PDE4D: variants seen among roughly 807,000 people sequenced by gnomAD.
The protein encoded by PDE4D is 3',5'-cyclic-AMP phosphodiesterase 4D.
In PDE4D, 24 loss-of-function variants were observed where a neutral mutation model predicts 87.4. The observed-to-expected ratio is 0.27, with a 90% CI of 0.20 to 0.39. The LOEUF (loss-of-function observed/expected upper bound fraction) is 0.39, where lower values mean the gene tolerates loss of function less well. Among genes scored for constraint, PDE4D ranks in the 10% least tolerant of loss-of-function variants. The pLI is 1.00. For missense variants in PDE4D, 714 were observed against 1,041.0 expected, an observed-to-expected ratio of 0.69 and a Z score of 4.32; for synonymous variants, 384 against 383.2, an observed-to-expected ratio of 1.00 and a Z score of -0.02.
At chr5:60,315,653 T>C (rs1201732146) in intron 1 of PDE4D, among the ~76,000 whole-genome samples, 1 of 152,210 alleles carries the variant, frequency 6.6e-6, no homozygotes, top group Non-Finnish European at 1.5e-5. Context: ...CACCTTGAAT[T>C]AATTTTAGTA....
At chr5:59,802,600 T>C (rs947797134) in intron 1 of PDE4D, among the ~76,000 whole-genome samples, 1 of 152,038 alleles carries the variant, frequency 6.6e-6, no homozygotes, top group Non-Finnish European at 1.5e-5. Context: ...GGTTTCACCA[T>C]GTTAGCCAGG....
chr5:59,836,526 T>C (rs898430505), intron 1 of PDE4D, among the ~76,000 whole-genome samples: 3 of 151,918 alleles, frequency 2.0e-5, no homozygotes, highest in African/African-American at 7.2e-5. Context: ...TAAACAGGGA[T>C]TGGATTGAAG....
rs185579963 is a variant in PDE4D, at chr5:60,407,441, T to G, written c.-90+80501A>C. 1.2e-3 allele frequency among the ~76,000 whole-genome samples: 172 copies of G among 143,530 alleles called. 2 individuals are homozygous for G. Among genetic ancestry groups the G allele is most frequent in the African/African-American group, 4.5e-3 (167 of 37,282 alleles). The allele number at this position is 143,530 out of a possible 152,430, so 94.2% of individuals were successfully genotyped here. The stretch of plus-strand genomic sequence containing the variant: ...TACATTTGTATTACATTTTTTCTTT[T>G]TCCTTTTTTTTTTTTTTTTTTTTTT... On this transcript the variant is annotated intron_variant, in intron 1 of 16. Coordinates refer to the PDE4D transcript ENST00000502484.
intron 1 of PDE4D, among the ~76,000 whole-genome samples, chr5:59,427,327 AC>A (rs1562167975): frequency 1.3e-5 from 2 of 150,424 alleles, no homozygotes; most frequent in African/African-American, 4.9e-5. Context: ...ACACACACAC[AC>A]ACACACACAC....
chr5:59,667,334 CAG>C (rs1390953857), intron 1 of PDE4D, among the ~76,000 whole-genome samples: 3 of 151,956 alleles, frequency 2.0e-5, no homozygotes, highest in South Asian at 4.1e-4. Flanking sequence ...TTTTTTGAGA[CAG>C]AGTCTCACTC....
chr5:59,112,464 T>C (rs1772836496), intron 5 of PDE4D, among the ~76,000 whole-genome samples: 1 of 152,164 alleles, frequency 6.6e-6, no homozygotes, highest in Non-Finnish European at 1.5e-5. Context: ...ATGCAGGGTC[T>C]CCTATTAGAC....
At chr5:59,276,027 ACTATCATT>A in intron 1 of PDE4D, 15 of 984,634 alleles carry the variant, frequency 1.5e-5, no homozygotes, top group Non-Finnish European at 1.7e-5. Context: ...GTGAATGAGA[ACTATCATT>A]CAATCTCACC....
intron 2 of PDE4D, among the ~76,000 whole-genome samples, chr5:59,202,373 T>G (rs1323965508): frequency 1.3e-5 from 2 of 152,050 alleles, no homozygotes; most frequent in Non-Finnish European, 2.9e-5. Flanking sequence ...TGAAAAAATT[T>G]TAAAGAGATG....
intron 1 of PDE4D, among the ~76,000 whole-genome samples, chr5:59,503,779 A>C (rs917263845): frequency 6.6e-6 from 1 of 152,138 alleles, no homozygotes; most frequent in Admixed American, 6.6e-5. Flanking sequence ...CTTTCTTGAT[A>C]TGAACAAAGG....
intron 1 of PDE4D, among the ~76,000 whole-genome samples, chr5:60,228,722 A>C (rs189578905): frequency 2.6e-5 from 4 of 152,118 alleles, no homozygotes; most frequent in African/African-American, 2.4e-5. Flanking sequence ...ACCAAAAAAA[A>C]CAAAAAACAA....
chr5:60,133,813 T>G (rs1347502930), intron 2 of PDE4D, among the ~76,000 whole-genome samples: 1 of 152,210 alleles, frequency 6.6e-6, no homozygotes, highest in African/African-American at 2.4e-5. Context: ...TCCTTGTAAC[T>G]ATATACTCTA....
chr5:59,782,143 T>C (rs1034221562), intron 1 of PDE4D, among the ~76,000 whole-genome samples: 12 of 152,174 alleles, frequency 7.9e-5, no homozygotes, highest in Admixed American at 1.3e-4. Context: ...TAAAAATAGG[T>C]TCCTGTGAGT....
intron 1 of PDE4D, among the ~76,000 whole-genome samples, chr5:59,271,321 A>C (rs555027582): frequency 6.6e-6 from 1 of 152,272 alleles, no homozygotes; most frequent in Non-Finnish European, 1.5e-5. Context: ...TTACAGGAGC[A>C]AGCTACGCCG....
intron 5 of PDE4D, among the ~76,000 whole-genome samples, chr5:59,148,757 GTGTGT>G: frequency 9.0e-6 from 1 of 111,658 alleles, no homozygotes; most frequent in Non-Finnish European, 2.1e-5. Flanking sequence ...ATATAGCGGT[GTGTGT>G]GTGTGTGTGT....
chr5:60,362,228 G>T (rs1375826240), intron 1 of PDE4D, among the ~76,000 whole-genome samples: 1 of 152,178 alleles, frequency 6.6e-6, no homozygotes, highest in Non-Finnish European at 1.5e-5. Flanking sequence ...CCCTATGTCT[G>T]ATCTGTTCCC....
intron 1 of PDE4D, among the ~76,000 whole-genome samples, chr5:59,217,778 G>A (rs144281575): frequency 2.0e-5 from 3 of 152,294 alleles, no homozygotes; most frequent in Admixed American, 6.5e-5. Context: ...CCAAACAGGG[G>A]ACATCTGTTT....
chr5:60,041,173 T>C (rs998023476), intron 2 of PDE4D, among the ~76,000 whole-genome samples: 2 of 152,216 alleles, frequency 1.3e-5, no homozygotes, highest in African/African-American at 2.4e-5. Flanking sequence ...ATTAGATATA[T>C]AGATAGTATA....
At chr5:59,477,353 TAA>T (rs35047246) in intron 1 of PDE4D, among the ~76,000 whole-genome samples, 3,525 of 88,260 alleles carry the variant, frequency 0.04, 60 homozygotes, top group Admixed American at 0.044. Flanking sequence ...TAGAGTATAA[TAA>T]AAAAAAAAAA....
chr5:60,009,619 T>C (rs1042144010), intron 2 of PDE4D, among the ~76,000 whole-genome samples: 1 of 152,084 alleles, frequency 6.6e-6, no homozygotes, highest in African/African-American at 2.4e-5. Context: ...AAAAATTTTT[T>C]AAAGTTTATT....
Sources: gnomAD v4.1 joint callset for allele counts (sites outside exome capture counted in the v4.1 genomes callset) on GRCh38, gnomAD v4.1.1 for gene constraint, MANE v1.5 for transcripts, NCBI Gene and HGNC (gene_info 2026-07-23, HGNC 2026-07-21) for gene names.